The following ZEB2 variants were observed in gnomAD, a reference collection of about 807,000 sequenced individuals.
ZEB2 encodes zinc finger E-box binding homeobox 2, also known as zinc finger E-box-binding homeobox 2.
Under a neutral mutation model 99.9 loss-of-function variants are expected in ZEB2, and 6 were observed. The observed-to-expected ratio is 0.06, with a 90% confidence interval of 0.03 to 0.12. The LOEUF is 0.12. Ranked by LOEUF, ZEB2 falls within the 10% of genes least tolerant of loss-of-function variation. The pLI, the probability that ZEB2 is intolerant of heterozygous loss-of-function variation, is 1.00. For missense variants in ZEB2, 969 were observed against 1,502.8 expected (o/e 0.64, Z 5.87); for synonymous variants, 517 against 542.5 (o/e 0.95, Z 0.65).
At chr2:144,434,169 T>C (rs976233081) in intron 2 of ZEB2, among the ~76,000 whole-genome samples, 1 of 152,198 alleles carries the variant, frequency 6.6e-6, no homozygotes, top group African/African-American at 2.4e-5. Context: ...TCTATTGATG[T>C]AAAGGAAAAT....
intron 4 of ZEB2, among the ~76,000 whole-genome samples, chr2:144,423,214 A>G (rs1353025302): frequency 2.0e-5 from 3 of 152,182 alleles, no homozygotes; most frequent in Non-Finnish European, 2.9e-5. Flanking sequence ...GTAAATTGTT[A>G]CTTTGTGGGG....
chr2:144,463,268 G>A (rs1298281818), intron 2 of ZEB2: 3 of 152,204 alleles, frequency 2.0e-5, no homozygotes, highest in South Asian at 2.1e-4. Flanking sequence ...TCAGTCAACC[G>A]AAGTTCTTGT....
In ZEB2 at chr2:144,399,237, G is replaced by A. The variant is rs2149876954; in HGVS notation, c.1950C>T (p.Asn650=). 2 of 1,614,146 alleles carry A rather than the reference G, an allele frequency of 1.2e-6. No homozygotes were observed. Among genetic ancestry groups the A allele is most frequent in the South Asian group, 2.2e-5 (2 of 91,074 alleles). The change falls in exon 8 of 10, where the codon AAC becomes AAT. Residue 650 remains asparagine (N), a synonymous_variant. Coordinates refer to ENST00000627532, the MANE Select transcript of ZEB2 (RefSeq NM_014795.4). The surrounding 1 kb of genome is among the most constrained non-coding windows in gnomAD (Gnocchi z 5.6). ...LSEKGMTSPI[N]PYKDHMSVLK... ...GTACAGACATGTGGTCCTTGTATGG[G>A]TTGATGGGGCTTGTCATTCCTTTCT...
chr2:144,418,425 A>T (rs1703572315), intron 4 of ZEB2, among the ~76,000 whole-genome samples: 1 of 152,252 alleles, frequency 6.6e-6, no homozygotes, highest in South Asian at 2.1e-4. Context: ...CTGGTGGCTC[A>T]TGCCTGTAAT....
In ZEB2 at chr2:144,388,598, A is replaced by G. The variant is rs960964115; in HGVS notation, c.*853T>C. 1 of 153,814 alleles carries G rather than the reference A, an allele frequency of 6.5e-6. No individual in the cohort carries two copies. The highest frequency in any genetic ancestry group is 1.5e-5 in the Non-Finnish European group (1 of 68,832). 9.5% of individuals were successfully genotyped at this position (153,814 alleles called of 1,614,324 possible). A position where few individuals can be genotyped will look rare whatever the true frequency, so the allele number is the denominator to read the frequency against. On this transcript the variant is annotated 3_prime_UTR_variant, in exon 10 of 10. Transcript: ENST00000627532. The surrounding 1 kb of genome is among the most constrained non-coding windows in gnomAD (Gnocchi z 5.4). ...AAGTACAGAAAATAATTGCACAAACATATGTAAACTAAGGAACTGCTGCCT... is the reference window on the plus strand; with the variant it reads ...AAGTACAGAAAATAATTGCACAAACGTATGTAAACTAAGGAACTGCTGCCT...
Position 144,389,613 on chromosome 2 carries a change from C to T in ZEB2, c.3483G>A (p.Glu1161=). ...LGRQDGDEEF[E]EEEEESENKS... is the part of the protein sequence containing the mutation. ...TATTTTCACTTTCTTCCTCTTCCTCCTCGAACTCCTCGTCGCCATCCTGTC... is the reference window on the plus strand; with the variant it reads ...TATTTTCACTTTCTTCCTCTTCCTCTTCGAACTCCTCGTCGCCATCCTGTC... The change falls in exon 10 of 10, where the codon GAG becomes GAA. Residue 1161 remains glutamate, a synonymous_variant. Coordinates refer to ENST00000627532, the MANE Select transcript of ZEB2 (RefSeq NM_014795.4). The surrounding 1 kb of genome is among the most constrained non-coding windows in gnomAD (Gnocchi z 6.8). 1 of 1,614,066 alleles carries T rather than the reference C, an allele frequency of 6.2e-7. No homozygotes were observed. The highest frequency in any genetic ancestry group is 8.5e-7 in the Non-Finnish European group (1 of 1,180,026).
intron 2 of ZEB2, among the ~76,000 whole-genome samples, chr2:144,498,277 T>C (rs1704817753): frequency 1.4e-5 from 2 of 147,806 alleles, no homozygotes; most frequent in South Asian, 4.2e-4. Context: ...GGTAGGAAGG[T>C]CCTCGCGCTC....
In ZEB2 at chr2:144,513,025, G is replaced by C. The variant is rs6740731; in HGVS notation, c.73+4253C>G. 3.1e-6 allele frequency: 4 copies of C among 1,286,940 alleles called. No homozygotes were observed. In the African/African-American group the frequency reaches 6.1e-5, roughly 20 times the overall value. The allele number at this position is 1,286,940 out of a possible 1,614,324, so 79.7% of individuals were successfully genotyped here. ...ACCAAGTCTGGACTGACAGTGATCC[G>C]AAGGAAACTTCCTTGTCTAAGTGTG... is the stretch of plus-strand genomic sequence containing the variant. On this transcript the variant is annotated intron_variant, in intron 2 of 9. Coordinates refer to ENST00000627532, the MANE Select transcript of ZEB2 (RefSeq NM_014795.4).
intron 2 of ZEB2, among the ~76,000 whole-genome samples, chr2:144,510,669 C>T (rs1705019319): frequency 6.7e-6 from 1 of 150,136 alleles, no homozygotes; most frequent in African/African-American, 2.5e-5. Context: ...AGTTATTTTA[C>T]TCAGCTACTA....
chr2:144,441,502 A>G (rs1703917555), intron 2 of ZEB2, among the ~76,000 whole-genome samples: 1 of 151,642 alleles, frequency 6.6e-6, no homozygotes, highest in African/African-American at 2.4e-5. Flanking sequence ...CTCAAGGAAC[A>G]GGTTACACAA....
At chr2:144,487,680 A>G (rs1435215787) in intron 2 of ZEB2, among the ~76,000 whole-genome samples, 1 of 152,222 alleles carries the variant, frequency 6.6e-6, no homozygotes, top group Non-Finnish European at 1.5e-5. Flanking sequence ...GTATACTTTA[A>G]AAATCAGGTT....
intron 2 of ZEB2, among the ~76,000 whole-genome samples, chr2:144,502,841 A>G (rs1485409089): frequency 2.0e-5 from 3 of 151,662 alleles, no homozygotes. Flanking sequence ...TCACTTTAAC[A>G]TAAACTCCCT....
intron 2 of ZEB2, among the ~76,000 whole-genome samples, chr2:144,472,987 G>GA (rs1011642189): frequency 5.3e-5 from 8 of 151,322 alleles, no homozygotes; most frequent in South Asian, 4.2e-4. Flanking sequence ...ATAGACAAGA[G>GA]AAAAAAAAAT....
chr2:144,422,038 C>G (rs1007443068), intron 4 of ZEB2, among the ~76,000 whole-genome samples: 1 of 152,188 alleles, frequency 6.6e-6, no homozygotes, highest in Non-Finnish European at 1.5e-5. Context: ...CATTTTGCCT[C>G]CATCATTCAG....
At chr2:144,444,021 C>T (rs968247193) in intron 2 of ZEB2, among the ~76,000 whole-genome samples, 1 of 152,242 alleles carries the variant, frequency 6.6e-6, no homozygotes, top group African/African-American at 2.4e-5. Context: ...AACAAAGACG[C>T]TGAAAATCCT....
At chr2:144,422,714 C>T (rs539650216) in intron 4 of ZEB2, among the ~76,000 whole-genome samples, 49 of 152,210 alleles carry the variant, frequency 3.2e-4, no homozygotes, top group African/African-American at 1.1e-3. Flanking sequence ...GCAGGAGAAT[C>T]GCTTGAACCT....
In ZEB2 at chr2:144,400,008, T is replaced by C. The variant is rs1703289447; in HGVS notation, c.1179A>G (p.Glu393=). ...CTTTATAGTCATTGAAGTCTAGTGG[T>C]TCTGTTTTAATTTTAAGTAAGCCTG... ...EQTGLLKIKT[E]PLDFNDYKVL... The change falls in exon 8 of 10, where the codon GAA becomes GAG. Residue 393 remains glutamate, a synonymous_variant. Transcript: ENST00000627532. 1 of 1,614,052 alleles carries C rather than the reference T, an allele frequency of 6.2e-7. No individual in the cohort carries two copies.
chr2:144,513,638 C>T (rs765338223), intron 2 of ZEB2: 29 of 1,533,320 alleles, frequency 1.9e-5, no homozygotes, highest in African/African-American at 2.7e-5. Context: ...ACCCTCTTCC[C>T]GGGCTCCGTG....
At chr2:144,397,177 A>G (rs951881625) in intron 8 of ZEB2, among the ~76,000 whole-genome samples, 1 of 152,238 alleles carries the variant, frequency 6.6e-6, no homozygotes, top group African/African-American at 2.4e-5. Flanking sequence ...AACATTAATG[A>G]ATGTGGATCA....
Sources: allele counts gnomAD v4.1 joint callset (sites outside exome capture counted in the v4.1 genomes callset), GRCh38; gene constraint gnomAD v4.1.1; non-coding constraint Gnocchi (gnomAD v3.1); transcripts MANE v1.5; gene names NCBI Gene and HGNC (gene_info 2026-07-23, HGNC 2026-07-21).